CCSER1: variants seen among roughly 807,000 people sequenced by gnomAD.
The protein encoded by CCSER1 is serine-rich coiled-coil domain-containing protein 1.
In CCSER1, 41 loss-of-function variants were observed where a neutral mutation model predicts 82.0. That is an observed-to-expected ratio of 0.50 (90% CI 0.39 to 0.65). CCSER1 has a LOEUF of 0.65. Among genes scored for constraint, CCSER1 ranks in the 30% least tolerant of loss-of-function variants. CCSER1 has a pLI of 0.00. For synonymous variants in CCSER1, 414 were observed against 383.9 expected, an observed-to-expected ratio of 1.08 and a Z score of -0.92; for missense variants, 1,119 against 1,064.2, an observed-to-expected ratio of 1.05 and a Z score of -0.72.
chr4:90,331,888 G>A (rs541566131), intron 3 of CCSER1, among the ~76,000 whole-genome samples: 1 of 151,486 alleles, frequency 6.6e-6, no homozygotes, highest in African/African-American at 2.4e-5. Context: ...TCCACGAATT[G>A]TCAGATTCAC....
intron 10 of CCSER1, among the ~76,000 whole-genome samples, chr4:91,245,245 G>A (rs1739676056): frequency 6.6e-6 from 1 of 152,100 alleles, no homozygotes; most frequent in South Asian, 2.1e-4. Flanking sequence ...GATAATAACA[G>A]AGAACTTTTG....
At chr4:90,189,702 C>G (rs1735274681) in intron 1 of CCSER1, among the ~76,000 whole-genome samples, 1 of 151,750 alleles carries the variant, frequency 6.6e-6, no homozygotes, top group African/African-American at 2.4e-5. Flanking sequence ...AAACATATAC[C>G]TATTTACTTT....
intron 10 of CCSER1, among the ~76,000 whole-genome samples, chr4:91,433,378 A>T (rs1754445159): frequency 6.6e-6 from 1 of 152,178 alleles, no homozygotes; most frequent in Non-Finnish European, 1.5e-5. Context: ...TACAGTGTTT[A>T]TAAAGTCTAC....
chr4:90,916,142 C>T (rs1421307491), intron 8 of CCSER1, among the ~76,000 whole-genome samples: 6 of 151,848 alleles, frequency 4.0e-5, no homozygotes, highest in East Asian at 3.9e-4. Flanking sequence ...AATGACTTTC[C>T]TCACAGAATT....
At chr4:91,457,863 G>A (rs1756277449) in intron 10 of CCSER1, among the ~76,000 whole-genome samples, 2 of 152,036 alleles carry the variant, frequency 1.3e-5, no homozygotes, top group South Asian at 4.1e-4. Context: ...TAATTCATAA[G>A]TTCTTTGAAA....
chr4:90,884,610 GA>G (rs886960627), intron 8 of CCSER1, among the ~76,000 whole-genome samples: 1 of 151,948 alleles, frequency 6.6e-6, no homozygotes, highest in African/African-American at 2.4e-5. Context: ...TGAAGGAGCA[GA>G]AAAAAATGTT....
At chr4:90,956,813 C>G (rs1229057973) in intron 9 of CCSER1, among the ~76,000 whole-genome samples, 1 of 150,722 alleles carries the variant, frequency 6.6e-6, no homozygotes, top group Non-Finnish European at 1.5e-5. Flanking sequence ...ACTCTGTCAC[C>G]CAGGCTGGAG....
At chr4:90,245,074 CTG>C (rs1397331087) in intron 1 of CCSER1, among the ~76,000 whole-genome samples, 2 of 152,030 alleles carry the variant, frequency 1.3e-5, no homozygotes, top group Non-Finnish European at 2.9e-5. Flanking sequence ...AAAAAAGTAA[CTG>C]GCATCAAAAC....
intron 1 of CCSER1, among the ~76,000 whole-genome samples, chr4:90,165,772 G>T (rs1730343942): frequency 6.6e-6 from 1 of 151,968 alleles, no homozygotes. Context: ...AAATCTGCAT[G>T]GTGAGAATTG....
chr4:91,481,556 C>T (rs1757916950), intron 10 of CCSER1, among the ~76,000 whole-genome samples: 1 of 152,150 alleles, frequency 6.6e-6, no homozygotes, highest in Non-Finnish European at 1.5e-5. Context: ...CTGCAACATA[C>T]ACATTTTAGT....
intron 1 of CCSER1, among the ~76,000 whole-genome samples, chr4:90,130,765 A>T (rs957901305): frequency 2.0e-5 from 3 of 151,466 alleles, no homozygotes; most frequent in African/African-American, 7.3e-5. Flanking sequence ...TTGGGACTAC[A>T]GGCGCATGCC....
chr4:90,238,245 G>A (rs564168180), intron 1 of CCSER1, among the ~76,000 whole-genome samples: 114 of 152,254 alleles, frequency 7.5e-4, no homozygotes, highest in Non-Finnish European at 1.4e-3. Flanking sequence ...GGGGTATGGT[G>A]ATGTCCAGCA....
chr4:91,231,161 G>A (rs1265516541), intron 10 of CCSER1, among the ~76,000 whole-genome samples: 3 of 151,752 alleles, frequency 2.0e-5, no homozygotes, highest in Non-Finnish European at 4.4e-5. Context: ...ATTCATTGTG[G>A]CATTAATCAC....
chr4:91,355,675 G>T (rs1748777637), intron 10 of CCSER1, among the ~76,000 whole-genome samples: 1 of 152,152 alleles, frequency 6.6e-6, no homozygotes, highest in African/African-American at 2.4e-5. Context: ...TGAGTTTTCT[G>T]ATGCATCGGC....
At chr4:91,559,828 C>G (rs1189702359) in intron 10 of CCSER1, among the ~76,000 whole-genome samples, 1 of 151,060 alleles carries the variant, frequency 6.6e-6, no homozygotes, top group Non-Finnish European at 1.5e-5. Flanking sequence ...ATTGTAATAT[C>G]TTAACCATTA....
intron 8 of CCSER1, among the ~76,000 whole-genome samples, chr4:90,871,712 T>G (rs1328206530): frequency 6.6e-6 from 1 of 151,794 alleles, no homozygotes; most frequent in Non-Finnish European, 1.5e-5. Flanking sequence ...GTCTGATGTT[T>G]CTGTGTGGAT....
At chr4:90,848,008 C>A (rs1328278609) in intron 8 of CCSER1, among the ~76,000 whole-genome samples, 4 of 152,132 alleles carry the variant, frequency 2.6e-5, no homozygotes, top group Admixed American at 2.6e-4. Context: ...TTAGATAAGA[C>A]TGATGTTTCT....
At chr4:90,684,165 A>G (rs1734389375) in intron 6 of CCSER1, among the ~76,000 whole-genome samples, 1 of 152,172 alleles carries the variant, frequency 6.6e-6, no homozygotes, top group Non-Finnish European at 1.5e-5. Flanking sequence ...GCAATAACAG[A>G]TTGTGTCTAT....
At chr4:91,037,659 G>A (rs1203538206) in intron 9 of CCSER1, among the ~76,000 whole-genome samples, 1 of 151,374 alleles carries the variant, frequency 6.6e-6, no homozygotes, top group African/African-American at 2.4e-5. Context: ...GATGTTTTTT[G>A]TATTTGCCAT....
Sources: gnomAD v4.1 joint callset for allele counts (sites outside exome capture counted in the v4.1 genomes callset) on GRCh38, gnomAD v4.1.1 for gene constraint, MANE v1.5 for transcripts, NCBI Gene and HGNC (gene_info 2026-07-23, HGNC 2026-07-21) for gene names.